Variants in MARCHF1 observed in about 807,000 individuals in gnomAD.
The protein encoded by MARCHF1 is membrane associated ring-CH-type finger 1.
In MARCHF1, 40 loss-of-function variants were observed where a neutral mutation model predicts 54.2. The observed-to-expected ratio is 0.74, with a 90% CI of 0.57 to 0.96. MARCHF1 has a LOEUF of 0.96. Ranked by LOEUF, MARCHF1 falls within the 40% of genes least tolerant of loss-of-function variation. The pLI is 0.00. For synonymous variants in MARCHF1, 236 were observed against 236.3 expected, an observed-to-expected ratio of 1.00 and a Z score of 0.01; for missense variants, 586 against 656.5, an observed-to-expected ratio of 0.89 and a Z score of 1.17.
intron 2 of MARCHF1, among the ~76,000 whole-genome samples, chr4:164,020,631 C>T (rs894819836): frequency 2.0e-5 from 3 of 152,178 alleles, no homozygotes; most frequent in Non-Finnish European, 4.4e-5. Flanking sequence ...ACGTTCTGTA[C>T]AACATATGAT....
intron 2 of MARCHF1, among the ~76,000 whole-genome samples, chr4:164,061,328 T>C (rs1754610400): frequency 6.6e-6 from 1 of 152,026 alleles, no homozygotes; most frequent in Non-Finnish European, 1.5e-5. Context: ...TATTTTTGTC[T>C]TTCATCAATT....
intron 4 of MARCHF1, among the ~76,000 whole-genome samples, chr4:163,740,876 A>G (rs866927990): frequency 6.6e-6 from 1 of 152,216 alleles, no homozygotes; most frequent in Non-Finnish European, 1.5e-5. Flanking sequence ...ACAGGAAAGG[A>G]CATTTTTATG....
chr4:164,016,178 T>A (rs2110955446), intron 2 of MARCHF1, among the ~76,000 whole-genome samples: 1 of 152,264 alleles, frequency 6.6e-6, no homozygotes, highest in Middle Eastern at 3.4e-3. Context: ...GAGGTTTAAT[T>A]GACTCAGTTC....
chr4:163,860,055 G>A lies in MARCHF1; in HGVS notation c.-38-5886C>T, dbSNP rs549272070. On this transcript the variant is annotated intron_variant, in intron 3 of 9. Transcript: ENST00000514618. ...ACTCCCATTCTTATAAAATGAGAAA[G>A]CTGCATAAAACCTGAAAATAATTTT... Among the ~76,000 whole-genome samples, 445 of 152,278 alleles carry A rather than the reference G, an allele frequency of 2.9e-3. 2 individuals are homozygous for A. Among genetic ancestry groups the A allele is most frequent in the Non-Finnish European group, 4.3e-3 (292 of 68,012 alleles).
chr4:164,168,953 G>A (rs939881274), intron 1 of MARCHF1, among the ~76,000 whole-genome samples: 1 of 152,036 alleles, frequency 6.6e-6, no homozygotes, highest in African/African-American at 2.4e-5. Context: ...AGGCATGGTT[G>A]ACAGACATAG....
chr4:164,343,168 T>C (rs1481137482), intron 1 of MARCHF1, among the ~76,000 whole-genome samples: 1 of 152,050 alleles, frequency 6.6e-6, no homozygotes, highest in East Asian at 1.9e-4. Context: ...GTGGTAACTA[T>C]GTGCTGTGAT....
chr4:163,896,866 C>T (rs1013278166), intron 3 of MARCHF1, among the ~76,000 whole-genome samples: 12 of 152,054 alleles, frequency 7.9e-5, no homozygotes, highest in Admixed American at 5.2e-4. Context: ...ATAATTATCC[C>T]GCTTCCTCTC....
chr4:163,699,978 T>A (rs1012248820), intron 5 of MARCHF1, among the ~76,000 whole-genome samples: 5 of 151,868 alleles, frequency 3.3e-5, no homozygotes, highest in Admixed American at 3.3e-4. Flanking sequence ...TTTTTTTTAA[T>A]CCACTGACTC....
chr4:164,201,208 GGTTTTGTTTT>G (rs5863670), intron 1 of MARCHF1, among the ~76,000 whole-genome samples: 34,569 of 150,596 alleles, frequency 0.23, 4,642 homozygotes, highest in African/African-American at 0.36. Context: ...TGTTTTACAT[GGTTTTGTTTT>G]GTTTTGTTTT....
At chr4:164,041,284 C>T (rs979553989) in intron 2 of MARCHF1, among the ~76,000 whole-genome samples, 9 of 152,130 alleles carry the variant, frequency 5.9e-5, no homozygotes, top group Admixed American at 5.9e-4. Context: ...AACTTCCATA[C>T]CCTACCAATA....
intron 1 of MARCHF1, among the ~76,000 whole-genome samples, chr4:164,131,741 A>T (rs1756305252): frequency 6.6e-6 from 1 of 152,054 alleles, no homozygotes; most frequent in African/African-American, 2.4e-5. Flanking sequence ...TAACTTATGG[A>T]TATACTATGA....
intron 4 of MARCHF1, among the ~76,000 whole-genome samples, chr4:163,704,924 G>A (rs1744906900): frequency 6.6e-6 from 1 of 151,354 alleles, no homozygotes; most frequent in South Asian, 2.1e-4. Flanking sequence ...TTAAGGGAAA[G>A]AGAGAACAAA....
intron 1 of MARCHF1, among the ~76,000 whole-genome samples, chr4:164,124,910 A>G (rs1756147874): frequency 1.3e-5 from 2 of 152,128 alleles, no homozygotes; most frequent in African/African-American, 4.8e-5. Flanking sequence ...ACATAATTAT[A>G]TATTTTAAAA....
At chr4:163,589,208 A>G (rs1740506638) in intron 7 of MARCHF1, among the ~76,000 whole-genome samples, 1 of 152,130 alleles carries the variant, frequency 6.6e-6, no homozygotes, top group Non-Finnish European at 1.5e-5. Context: ...TAATTTATTC[A>G]TAAACTGCTT....
chr4:163,742,026 T>A (rs1270007257), intron 4 of MARCHF1, among the ~76,000 whole-genome samples: 1 of 152,212 alleles, frequency 6.6e-6, no homozygotes, highest in Non-Finnish European at 1.5e-5. Flanking sequence ...TGCCTTACAA[T>A]GTGTAGAATA....
intron 8 of MARCHF1, chr4:163,585,059 G>A (rs1300143758): frequency 6.6e-6 from 1 of 152,110 alleles, no homozygotes; most frequent in African/African-American, 2.4e-5. Flanking sequence ...GGCTTTGAGT[G>A]AGACACTAAC....
intron 3 of MARCHF1, among the ~76,000 whole-genome samples, chr4:163,936,350 C>T (rs567376275): frequency 7.9e-5 from 12 of 152,280 alleles, no homozygotes; most frequent in African/African-American, 2.9e-4. Flanking sequence ...AGGGTTGTTG[C>T]CACAAACCTT....
intron 1 of MARCHF1, among the ~76,000 whole-genome samples, chr4:164,211,988 T>A: frequency 6.6e-6 from 1 of 151,990 alleles, no homozygotes; most frequent in East Asian, 1.9e-4. Flanking sequence ...TGGAACAAAG[T>A]CCCAGAGAAG....
chr4:163,852,311 C>T (rs560794250), intron 4 of MARCHF1, among the ~76,000 whole-genome samples: 1 of 152,192 alleles, frequency 6.6e-6, no homozygotes, highest in South Asian at 2.1e-4. Flanking sequence ...AGGCAGAAAG[C>T]CAGTCCAAAA....
Sources: allele counts gnomAD v4.1 joint callset (sites outside exome capture counted in the v4.1 genomes callset), GRCh38; gene constraint gnomAD v4.1.1; transcripts MANE v1.5; gene names NCBI Gene and HGNC (gene_info 2026-07-23, HGNC 2026-07-21).